The following KIAA0319 variants were observed in gnomAD, a reference collection of about 807,000 sequenced individuals.
The protein encoded by KIAA0319 is KIAA0319.
A neutral mutation model predicts 108.4 loss-of-function variants in KIAA0319; 83 were observed. The observed-to-expected ratio is 0.77, with a 90% CI of 0.64 to 0.92. The LOEUF (loss-of-function observed/expected upper bound fraction) is 0.92. Ranked by LOEUF, KIAA0319 falls within the 40% of genes least tolerant of loss-of-function variation. The pLI, the probability that KIAA0319 is intolerant of heterozygous loss-of-function variation, is 0.00. For synonymous variants in KIAA0319, 484 were observed against 510.4 expected (o/e 0.95, Z 0.70); for missense variants, 1,195 against 1,322.4 (o/e 0.90, Z 1.49).
chr6:24,623,720 T>C (rs1324803656), intron 1 of KIAA0319, among the ~76,000 whole-genome samples: 1 of 152,128 alleles, frequency 6.6e-6, no homozygotes, highest in Non-Finnish European at 1.5e-5. Flanking sequence ...GATAGCAAAG[T>C]AGGGTGACTA....
chr6:24,540,592 T>C (rs183706203), downstream of KIAA0319, among the ~76,000 whole-genome samples: 449 of 151,700 alleles, frequency 3.0e-3, 3 homozygotes, highest in African/African-American at 0.01. Context: ...CTTGCTAATC[T>C]CAACTCAACA....
rs542434752 is a variant in KIAA0319 at position 24,580,188 on chromosome 6, A to G, written c.1280-238T>C. Among the ~76,000 whole-genome samples the G allele has an allele frequency of 1.4e-4, 22 of 152,332 alleles. 1 individual carries two copies. The South Asian group carries it at 4.1e-3, about 29-fold the overall frequency. On this transcript the variant is annotated intron_variant, in intron 7 of 20. Transcript: ENST00000378214. ...AGCCCAGGCTCAGTGAAGATGTACA[A>G]TAATAACCAAGGGGCTCATCACAGA...
rs1766964334 is a variant in KIAA0319, at chr6:24,583,584, G to A, written c.1093+20C>T. 1 of 1,547,802 alleles carries A rather than the reference G, an allele frequency of 6.5e-7. No homozygotes were observed. On this transcript the variant is annotated intron_variant, in intron 5 of 20. Transcript: ENST00000378214. ...AACACCCCAGTTCCTAGTGGTCAGGGAGGAAGGTTAAACTCTCACCTACAG... is the reference window on the plus strand; with the variant it reads ...AACACCCCAGTTCCTAGTGGTCAGGAAGGAAGGTTAAACTCTCACCTACAG...
chr6:24,643,945 C>G lies in KIAA0319; in HGVS notation c.-106+1791G>C, dbSNP rs1582395481. ...CTAAGTGGCAGAGCCACGCCCAAAC[C>G]CACACCCTCTGACCTGGCAATCTGC... On this transcript the variant is annotated intron_variant, in intron 1 of 20. Transcript: ENST00000378214. 2.6e-5 allele frequency among the ~76,000 whole-genome samples: 4 copies of G among 152,344 alleles called. No homozygotes were observed. In the South Asian group the frequency reaches 8.3e-4, roughly 32 times the overall value.
intron 1 of KIAA0319, among the ~76,000 whole-genome samples, chr6:24,637,450 T>C (rs1776344193): frequency 6.6e-6 from 1 of 152,162 alleles, no homozygotes; most frequent in African/African-American, 2.4e-5. Context: ...TTCTTTTTGT[T>C]TTAGTCTTAA....
In KIAA0319 at chr6:24,596,595, CGCT is replaced by C. The variant is rs1769646065; in HGVS notation, c.76_78del (p.Ser26del). 3 of 1,610,114 alleles carry C rather than the reference CGCT, an allele frequency of 1.9e-6. No individual in the cohort carries two copies. The highest frequency in any genetic ancestry group is 2.5e-6 in the Non-Finnish European group (3 of 1,177,462). On this transcript the variant is annotated inframe_deletion, in exon 3 of 21. Transcript: ENST00000378214. ...ACTGCATTGGAATATGTCCTCCCCT[CGCT>C]GCACTGCTTACGGGCACAACCTTTA...
At chr6:24,634,784 G>C (rs1294960878) in intron 1 of KIAA0319, among the ~76,000 whole-genome samples, 2 of 152,194 alleles carry the variant, frequency 1.3e-5, no homozygotes, top group East Asian at 3.8e-4. Context: ...CCAAGGTTAA[G>C]GATATGCCTG....
rs763418465 is a variant in KIAA0319 at position 24,546,698 on chromosome 6, G to A, written c.*467C>T. The A allele has an allele frequency of 5.6e-5, 9 of 160,762 alleles. No homozygotes were observed. Among genetic ancestry groups the A allele is most frequent in the East Asian group, 1.7e-4 (1 of 5,792 alleles). The allele number at this position is 160,762 out of a possible 1,614,324, so 10.0% of individuals were successfully genotyped here. ...GACTCCGTACCTCCACAGATGGCCC[G>A]TGCCTCTTAGACAAGCTATTTTAAC... On this transcript the variant is annotated 3_prime_UTR_variant, in exon 21 of 21. Coordinates refer to ENST00000378214, the MANE Select transcript of KIAA0319 (RefSeq NM_014809.4).
At chr6:24,557,883 A>G (rs1762523098) in intron 17 of KIAA0319, among the ~76,000 whole-genome samples, 3 of 152,066 alleles carry the variant, frequency 2.0e-5, no homozygotes, top group African/African-American at 7.2e-5. Flanking sequence ...GGCATGTGCT[A>G]CTGTTCCTGG....
intron 1 of KIAA0319, among the ~76,000 whole-genome samples, chr6:24,644,620 A>AG (rs1331526647): frequency 6.6e-6 from 1 of 151,938 alleles, no homozygotes; most frequent in Admixed American, 6.6e-5. Context: ...GAAAAAAAAA[A>AG]AGTCAAGAAA....
At chr6:24,639,407 A>G (rs542521983) in intron 1 of KIAA0319, among the ~76,000 whole-genome samples, 1 of 152,352 alleles carries the variant, frequency 6.6e-6, no homozygotes, top group Admixed American at 6.5e-5. Context: ...GCCAATCTAG[A>G]ACTTTATACT....
At chr6:24,607,790 T>C (rs1771642450) in intron 1 of KIAA0319, among the ~76,000 whole-genome samples, 1 of 152,212 alleles carries the variant, frequency 6.6e-6, no homozygotes, top group Non-Finnish European at 1.5e-5. Flanking sequence ...AGTTAAAAAA[T>C]GAATGCTTAA....
chr6:24,556,859 G>T, intron 17 of KIAA0319, 130 bp from the exon 18 acceptor site: 2 of 1,032,668 alleles, frequency 1.9e-6, no homozygotes, highest in Non-Finnish European at 2.7e-6. Flanking sequence ...CTCTTACAGT[G>T]TGGACAGGGG....
At chr6:24,541,438 C>G (rs1760189099), downstream of KIAA0319, among the ~76,000 whole-genome samples, 1 of 152,266 alleles carries the variant, frequency 6.6e-6, no homozygotes, top group African/African-American at 2.4e-5. Flanking sequence ...TTTAAAGGCT[C>G]TATCTCCAAA....
chr6:24,578,725 T>C (rs1765906134), intron 8 of KIAA0319, among the ~76,000 whole-genome samples: 1 of 152,202 alleles, frequency 6.6e-6, no homozygotes, highest in African/African-American at 2.4e-5. Flanking sequence ...AATCTTCCAT[T>C]TCTACTTTAA....
rs2127487276 is a variant in KIAA0319, at chr6:24,582,322, T to C, written c.1118A>G (p.Asn373Ser). ...GTAGTCTGTGGGGTGGCTTATTAAATTCCATTCATAGTTGTAGGTTGTTTC... is the reference window on the plus strand; with the variant it reads ...GTAGTCTGTGGGGTGGCTTATTAAACTCCATTCATAGTTGTAGGTTGTTTC... ...PVETTYNYEW[N>S]LISHPTDYQG... The change falls in exon 6 of 21, where the codon AAT (asparagine) becomes AGT (serine). Residue 373 changes from asparagine to serine, a missense_variant. Asn to Ser is a conservative substitution (Grantham distance 46, BLOSUM62 1). Coordinates refer to ENST00000378214, the MANE Select transcript of KIAA0319 (RefSeq NM_014809.4). The C allele has an allele frequency of 6.2e-7, 1 of 1,610,844 alleles. No homozygotes were observed. The highest frequency in any genetic ancestry group is 8.5e-7 in the Non-Finnish European group (1 of 1,177,238).
intron 2 of KIAA0319, among the ~76,000 whole-genome samples, chr6:24,597,028 C>A (rs1171557177): frequency 6.6e-6 from 1 of 152,048 alleles, no homozygotes; most frequent in East Asian, 1.9e-4. Flanking sequence ...CTCATCCATC[C>A]ATCACTCCAT....
chr6:24,644,415 T>C (rs535097387), intron 1 of KIAA0319, among the ~76,000 whole-genome samples: 71 of 152,294 alleles, frequency 4.7e-4, no homozygotes, highest in Non-Finnish European at 7.4e-4. Context: ...TATTTAGAAG[T>C]TTGGTGATTT....
chr6:24,584,012 G>C (rs1317910753), intron 4 of KIAA0319, among the ~76,000 whole-genome samples: 1 of 152,062 alleles, frequency 6.6e-6, no homozygotes, highest in East Asian at 1.9e-4. Flanking sequence ...CTGTGAATTG[G>C]GTCCATTTTC....
Sources: allele counts gnomAD v4.1 joint callset (sites outside exome capture counted in the v4.1 genomes callset), GRCh38; gene constraint gnomAD v4.1.1; transcripts MANE v1.5; gene names NCBI Gene and HGNC (gene_info 2026-07-23, HGNC 2026-07-21).